SEMA3E: variants seen among roughly 807,000 people sequenced by gnomAD.
SEMA3E encodes semaphorin 3E.
SEMA3E carries 49 observed loss-of-function variants against 93.6 expected under a neutral mutation model. The observed-to-expected ratio is 0.52, with a 90% confidence interval of 0.42 to 0.66. The LOEUF (loss-of-function observed/expected upper bound fraction) is 0.66, where lower values mean the gene tolerates loss of function less well. Ranked by LOEUF, SEMA3E falls within the 30% of genes least tolerant of loss-of-function variation. The probability of loss-of-function intolerance (pLI) is 0.00; values close to 1 mark genes in which losing one functional copy is unlikely to be tolerated. For synonymous variants in SEMA3E, 363 were observed against 330.7 expected, an observed-to-expected ratio of 1.10 and a Z score of -1.06; for missense variants, 906 against 964.8, an observed-to-expected ratio of 0.94 and a Z score of 0.81.
At chr7:83,495,567 G>A (rs1490905457) in intron 1 of SEMA3E, among the ~76,000 whole-genome samples, 3 of 151,622 alleles carry the variant, frequency 2.0e-5, no homozygotes, top group Non-Finnish European at 4.4e-5. Context: ...GGGGAAACAT[G>A]GGGAAAAACA....
chr7:83,621,243 C>T (rs1302424546), intron 1 of SEMA3E, among the ~76,000 whole-genome samples: 1 of 149,546 alleles, frequency 6.7e-6, no homozygotes, highest in Non-Finnish European at 1.5e-5. Context: ...CTCCCATTCA[C>T]AATTGCTAAG....
chr7:83,534,860 A>C (rs1412946202), intron 1 of SEMA3E, among the ~76,000 whole-genome samples: 1 of 152,198 alleles, frequency 6.6e-6, no homozygotes, highest in Non-Finnish European at 1.5e-5. Context: ...TTGGAGGTGA[A>C]GTAAAGAGGT....
At chr7:83,469,365 C>A (rs1304171519) in intron 2 of SEMA3E, 63 bp from the exon 3 acceptor site, 11 of 1,157,402 alleles carry the variant, frequency 9.5e-6, no homozygotes, top group South Asian at 2.5e-5. Context: ...CACTGAAAAC[C>A]ATTTCACTTT....
At chr7:83,596,765 C>T (rs189975310) in intron 1 of SEMA3E, among the ~76,000 whole-genome samples, 1 of 152,186 alleles carries the variant, frequency 6.6e-6, no homozygotes, top group East Asian at 1.9e-4. Flanking sequence ...CCTGTGATCT[C>T]TGATCTCATG....
intron 1 of SEMA3E, among the ~76,000 whole-genome samples, chr7:83,515,631 T>A (rs898675054): frequency 1.3e-5 from 2 of 152,228 alleles, no homozygotes; most frequent in Non-Finnish European, 2.9e-5. Context: ...TTATCCGGAA[T>A]CTTCCAGATA....
At chr7:83,426,958 ACT>A (rs1417875841) in intron 4 of SEMA3E, among the ~76,000 whole-genome samples, 1 of 152,068 alleles carries the variant, frequency 6.6e-6, no homozygotes, top group Non-Finnish European at 1.5e-5. Flanking sequence ...TTTATGATGG[ACT>A]CTTGCTAGGA....
At chr7:83,485,657 T>C (rs1790235562) in intron 2 of SEMA3E, among the ~76,000 whole-genome samples, 1 of 152,128 alleles carries the variant, frequency 6.6e-6, no homozygotes, top group African/African-American at 2.4e-5. Flanking sequence ...AAACAGTATA[T>C]ACAGAATATA....
intron 1 of SEMA3E, among the ~76,000 whole-genome samples, chr7:83,518,656 A>T (rs1362805115): frequency 6.6e-6 from 1 of 152,180 alleles, no homozygotes. Context: ...TTCATTATTA[A>T]AAAGAGAGGT....
chr7:83,424,031 T>G (rs1692880135), intron 4 of SEMA3E, among the ~76,000 whole-genome samples: 2 of 152,176 alleles, frequency 1.3e-5, no homozygotes, highest in Admixed American at 6.5e-5. Flanking sequence ...TATTGGAACA[T>G]CACTGCAGTA....
chr7:83,470,967 T>C (rs771048340), intron 2 of SEMA3E, among the ~76,000 whole-genome samples: 130 of 151,730 alleles, frequency 8.6e-4, no homozygotes, highest in Non-Finnish European at 1.6e-3. Flanking sequence ...GATTATACAT[T>C]AGTCTACATT....
intron 2 of SEMA3E, among the ~76,000 whole-genome samples, chr7:83,487,425 T>C (rs575880773): frequency 3.7e-4 from 57 of 152,254 alleles, no homozygotes; most frequent in African/African-American, 1.3e-3. Context: ...ACAGATCTTT[T>C]ATAGGTTATT....
rs978678622 is a variant in SEMA3E, at chr7:83,366,845, A to C, written c.*741T>G. 1 of 152,172 alleles carries C rather than the reference A, an allele frequency of 6.6e-6. No individual in the cohort carries two copies. Among genetic ancestry groups the C allele is most frequent in the Non-Finnish European group, 1.5e-5 (1 of 68,006 alleles). The allele number at this position is 152,172 out of a possible 1,614,324, so 9.4% of individuals were successfully genotyped here. A position where few individuals can be genotyped will look rare whatever the true frequency, so the allele number is the denominator to read the frequency against. ...GAGGGAAGCAAAAATCTTTTACAGT[A>C]GTTAGAATCCTAACTATAACTTCAT... On this transcript the variant is annotated 3_prime_UTR_variant, in exon 17 of 17. Coordinates refer to ENST00000643230, the MANE Select transcript of SEMA3E (RefSeq NM_012431.3).
rs995350650 is a variant in SEMA3E at position 83,499,648 on chromosome 7, G to A, written c.116-9374C>T. 3.9e-5 allele frequency among the ~76,000 whole-genome samples: 6 copies of A among 152,192 alleles called. No homozygotes were observed. In the East Asian group the frequency reaches 7.7e-4, roughly 20 times the overall value. On this transcript the variant is annotated intron_variant, in intron 1 of 16. Transcript: ENST00000643230. Reference sequence around the variant, plus strand: ...ACTGGGCCTTTAAATGTAGAAATTCGTGTATCACTTATGTTGGAAAGATAT... The same window carrying A: ...ACTGGGCCTTTAAATGTAGAAATTCATGTATCACTTATGTTGGAAAGATAT...
chr7:83,587,893 T>C (rs1286300097), intron 1 of SEMA3E, among the ~76,000 whole-genome samples: 2 of 152,188 alleles, frequency 1.3e-5, no homozygotes, highest in East Asian at 3.9e-4. Flanking sequence ...TTAAATGCTA[T>C]TCTTAAGCAG....
intron 1 of SEMA3E, among the ~76,000 whole-genome samples, chr7:83,535,471 T>C (rs972944869): frequency 2.0e-5 from 3 of 151,352 alleles, no homozygotes; most frequent in Non-Finnish European, 4.4e-5. Flanking sequence ...ATACAATCTA[T>C]CAAATATGTT....
chr7:83,461,708 C>A (rs1789621103), intron 4 of SEMA3E, among the ~76,000 whole-genome samples: 2 of 152,178 alleles, frequency 1.3e-5, no homozygotes, highest in Non-Finnish European at 2.9e-5. Flanking sequence ...ATTACCCAAT[C>A]TGCTCCCGAC....
chr7:83,397,988 A>G (rs983543453), intron 11 of SEMA3E, among the ~76,000 whole-genome samples: 6 of 152,206 alleles, frequency 3.9e-5, no homozygotes. Flanking sequence ...TTAATTCGCA[A>G]TTAGTGATTT....
rs553952527 is a variant in SEMA3E at position 83,515,167 on chromosome 7, C to A, written c.116-24893G>T. ...CACACCCAGCTACCCTTGCCCAGCG[C>A]CCCTCCTCTCCTCCTTTTCCTTCTC... On this transcript the variant is annotated intron_variant, in intron 1 of 16. Transcript: ENST00000643230. Among the ~76,000 whole-genome samples, 4 of 152,166 alleles carry A rather than the reference C, an allele frequency of 2.6e-5. No individual in the cohort carries two copies. In the South Asian group the frequency reaches 6.2e-4, roughly 24 times the overall value.
chr7:83,602,083 G>A (rs943174143), intron 1 of SEMA3E, among the ~76,000 whole-genome samples: 1 of 152,120 alleles, frequency 6.6e-6, no homozygotes, highest in African/African-American at 2.4e-5. Context: ...GCCATTACGA[G>A]TCACTCTAAG....
Sources: allele counts gnomAD v4.1 joint callset (sites outside exome capture counted in the v4.1 genomes callset), GRCh38; gene constraint gnomAD v4.1.1; transcripts MANE v1.5; gene names NCBI Gene and HGNC (gene_info 2026-07-23, HGNC 2026-07-21).